The following ATXN1 variants were observed in gnomAD, a reference collection of about 807,000 sequenced individuals.
ATXN1 encodes the protein ataxin-1.
A neutral mutation model predicts 56.4 loss-of-function variants in ATXN1; 8 were observed. That is an observed-to-expected ratio of 0.14 (90% confidence interval 0.08 to 0.26). The LOEUF is 0.26. ATXN1 is among the 10% of genes least tolerant of loss of function. The pLI, the probability that ATXN1 is intolerant of heterozygous loss-of-function variation, is 1.00. For synonymous variants in ATXN1, 514 were observed against 494.6 expected (o/e 1.04, Z -0.52); for missense variants, 987 against 1,106.5 (o/e 0.89, Z 1.53).
At chr6:16,448,291 C>G (rs1581769758) in intron 6 of ATXN1, among the ~76,000 whole-genome samples, 2 of 152,192 alleles carry the variant, frequency 1.3e-5, no homozygotes, top group Non-Finnish European at 2.9e-5. Flanking sequence ...ATTCAGGTCT[C>G]TGCTGTGATG....
At chr6:16,616,963 TTTGA>T (rs1470546983) in intron 3 of ATXN1, among the ~76,000 whole-genome samples, 3 of 151,930 alleles carry the variant, frequency 2.0e-5, no homozygotes, top group Admixed American at 6.6e-5. Context: ...AAGTATTTTA[TTTGA>T]TTATTAGTTA....
At chr6:16,757,713 C>G (rs1443078948) in intron 1 of ATXN1, among the ~76,000 whole-genome samples, 1 of 152,148 alleles carries the variant, frequency 6.6e-6, no homozygotes, top group East Asian at 1.9e-4. Context: ...AGACATAATT[C>G]TCAATTATCT....
intron 2 of ATXN1, among the ~76,000 whole-genome samples, chr6:16,741,481 T>C (rs1048969202): frequency 6.6e-6 from 1 of 152,206 alleles, no homozygotes; most frequent in Non-Finnish European, 1.5e-5. Flanking sequence ...AAGAACACTT[T>C]TTTTAAAGGA....
At chr6:16,455,335 T>C (rs767142694) in intron 6 of ATXN1, among the ~76,000 whole-genome samples, 1 of 152,190 alleles carries the variant, frequency 6.6e-6, no homozygotes. Context: ...CTCCACATTA[T>C]GAATCACTAG....
intron 6 of ATXN1, among the ~76,000 whole-genome samples, chr6:16,441,961 C>G (rs777511903): frequency 6.6e-6 from 1 of 152,096 alleles, no homozygotes; most frequent in South Asian, 2.1e-4. Context: ...TGCTTAAAAT[C>G]GTGACTGAAG....
chr6:16,364,881 C>A (rs1761885940), intron 6 of ATXN1, among the ~76,000 whole-genome samples: 1 of 152,154 alleles, frequency 6.6e-6, no homozygotes, highest in Non-Finnish European at 1.5e-5. Context: ...TTGTCTCCTT[C>A]AAGGAGCTTC....
rs370971267 is a variant in ATXN1 at position 16,683,116 on chromosome 6, T to TA, written c.-614-25216dup. Among the ~76,000 whole-genome samples, 645 of 146,564 alleles carry TA rather than the reference T, an allele frequency of 4.4e-3. 1 individual carries two copies. The highest frequency in any genetic ancestry group is 0.012 in the African/African-American group (471 of 40,306). On this transcript the variant is annotated intron_variant, in intron 2 of 7. Coordinates refer to ENST00000436367, the MANE Select transcript of ATXN1 (RefSeq NM_001128164.2). ...CTTTTGCTTTCTCCCATCTGGCCAT[T>TA]AAAAAAAAAAATAGTTATTTACCAA...
intron 6 of ATXN1, among the ~76,000 whole-genome samples, chr6:16,484,626 C>T (rs1446640271): frequency 1.3e-5 from 2 of 152,040 alleles, no homozygotes; most frequent in South Asian, 4.2e-4. Flanking sequence ...AATGGAAACA[C>T]AATGAAGCTT....
chr6:16,654,158 G>A (rs142771410), intron 3 of ATXN1, among the ~76,000 whole-genome samples: 222 of 152,288 alleles, frequency 1.5e-3, no homozygotes, highest in African/African-American at 4.7e-3. Context: ...TGCAACCCAT[G>A]TGCAATTGTG....
intron 6 of ATXN1, among the ~76,000 whole-genome samples, chr6:16,358,163 G>A (rs972947216): frequency 6.6e-6 from 1 of 152,176 alleles, no homozygotes; most frequent in Non-Finnish European, 1.5e-5. Context: ...AAAAATGATA[G>A]ATATTGATGG....
chr6:16,541,794 A>G (rs1011914278), intron 4 of ATXN1, among the ~76,000 whole-genome samples: 1 of 152,170 alleles, frequency 6.6e-6, no homozygotes, highest in Non-Finnish European at 1.5e-5. Flanking sequence ...TCCTCATTTA[A>G]TGAACACGGA....
chr6:16,651,388 C>CA (rs1251759310), intron 3 of ATXN1, among the ~76,000 whole-genome samples: 4 of 151,956 alleles, frequency 2.6e-5, no homozygotes, highest in Admixed American at 6.6e-5. Flanking sequence ...ACCAAAAATA[C>CA]AAAAAATTAG....
chr6:16,547,452 G>A (rs1388792032), intron 4 of ATXN1, among the ~76,000 whole-genome samples: 2 of 152,298 alleles, frequency 1.3e-5, no homozygotes, highest in South Asian at 4.1e-4. Flanking sequence ...CTGTGCACCA[G>A]GCGTCAGAGA....
chr6:16,672,907 G>A (rs1339934794), intron 2 of ATXN1, among the ~76,000 whole-genome samples: 3 of 151,644 alleles, frequency 2.0e-5, no homozygotes, highest in Non-Finnish European at 4.4e-5. Flanking sequence ...CCAGCTACTT[G>A]GGAGGCTGAG....
chr6:16,445,235 T>G lies in ATXN1; in HGVS notation c.-161+40737A>C, dbSNP rs6902007. ...ATATTGAGAAATGACTGTTAATGCATTTTTTGGTGTGATGATGATGTTGTA... is the reference window on the plus strand; with the variant it reads ...ATATTGAGAAATGACTGTTAATGCAGTTTTTGGTGTGATGATGATGTTGTA... On this transcript the variant is annotated intron_variant, in intron 6 of 7. Transcript: ENST00000436367. Among the ~76,000 whole-genome samples, 1,279 of 152,298 alleles carry G rather than the reference T, an allele frequency of 8.4e-3. 16 individuals are homozygous for G. The highest frequency in any genetic ancestry group is 0.029 in the African/African-American group (1,213 of 41,560).
intron 6 of ATXN1, among the ~76,000 whole-genome samples, chr6:16,343,534 G>T (rs897499510): frequency 2.0e-5 from 3 of 152,070 alleles, no homozygotes; most frequent in African/African-American, 7.2e-5. Flanking sequence ...AAAGCTGTAT[G>T]CCCTTTCTCA....
chr6:16,545,429 C>T (rs940402354), intron 4 of ATXN1, among the ~76,000 whole-genome samples: 6 of 151,574 alleles, frequency 4.0e-5, no homozygotes, highest in African/African-American at 1.5e-4. Context: ...AAAAAGTTTC[C>T]TGAGCTGAAA....
chr6:16,730,487 G>GTGTATATA (rs141836403), intron 2 of ATXN1, among the ~76,000 whole-genome samples: 2,879 of 131,976 alleles, frequency 0.022, 156 homozygotes, highest in African/African-American at 0.072. Flanking sequence ...AAAACAGTAT[G>GTGTATATA]TATATATATA....
At chr6:16,632,218 G>A (rs1228991164) in intron 3 of ATXN1, among the ~76,000 whole-genome samples, 3 of 152,058 alleles carry the variant, frequency 2.0e-5, no homozygotes, top group Non-Finnish European at 4.4e-5. Flanking sequence ...ACCATGTTCC[G>A]CATGTTAGAG....
Sources: allele counts gnomAD v4.1 joint callset (sites outside exome capture counted in the v4.1 genomes callset), GRCh38; gene constraint gnomAD v4.1.1; transcripts MANE v1.5; gene names NCBI Gene and HGNC (gene_info 2026-07-23, HGNC 2026-07-21).